GHR: variants seen among roughly 807,000 people sequenced by gnomAD.
GHR encodes growth hormone receptor.
A neutral mutation model predicts 67.1 loss-of-function variants in GHR; 35 were observed. That is an observed-to-expected ratio of 0.52 (90% CI 0.40 to 0.69). The LOEUF is 0.69. GHR is among the 30% of genes least tolerant of loss of function. The probability of loss-of-function intolerance (pLI) is 0.00; values close to 1 mark genes in which losing one functional copy is unlikely to be tolerated. For missense variants in GHR, 792 were observed against 764.6 expected (o/e 1.04, Z -0.42); for synonymous variants, 272 against 269.1 (o/e 1.01, Z -0.10).
At chr5:42,569,555 A>G (rs1485249818) in intron 2 of GHR, among the ~76,000 whole-genome samples, 1 of 152,178 alleles carries the variant, frequency 6.6e-6, no homozygotes, top group Non-Finnish European at 1.5e-5. Context: ...ATAGTCCTCA[A>G]TATTGGAGGC....
chr5:42,579,207 G>T (rs1205418314), intron 2 of GHR, among the ~76,000 whole-genome samples: 1 of 151,380 alleles, frequency 6.6e-6, no homozygotes, highest in Admixed American at 6.6e-5. Flanking sequence ...TAGACAGATA[G>T]ATAGATATAA....
intron 3 of GHR, among the ~76,000 whole-genome samples, chr5:42,673,176 A>T (rs1488170625): frequency 6.6e-6 from 1 of 152,228 alleles, no homozygotes; most frequent in Non-Finnish European, 1.5e-5. Context: ...ATCACTAATC[A>T]TCAGAGAAAT....
intron 2 of GHR, among the ~76,000 whole-genome samples, chr5:42,605,088 C>CT (rs1439364062): frequency 1.3e-4 from 17 of 135,808 alleles, no homozygotes; most frequent in African/African-American, 4.1e-4. Flanking sequence ...TTTGTGGTGC[C>CT]TCTTTTTTTT....
intron 1 of GHR, among the ~76,000 whole-genome samples, chr5:42,484,879 C>T (rs1219000750): frequency 6.6e-6 from 1 of 152,104 alleles, no homozygotes; most frequent in East Asian, 1.9e-4. Flanking sequence ...GTCCTTCTGC[C>T]AAGTGGCTCT....
intron 1 of GHR, chr5:42,549,616 G>A (rs1260038721): frequency 3.2e-6 from 3 of 946,428 alleles, no homozygotes; most frequent in East Asian, 1.2e-4. Context: ...AGGGCCAGAG[G>A]TGTGAATAGC....
chr5:42,427,846 T>C (rs1225998906), intron 1 of GHR, among the ~76,000 whole-genome samples: 1 of 152,150 alleles, frequency 6.6e-6, no homozygotes, highest in Non-Finnish European at 1.5e-5. Context: ...AAGTCCAAAG[T>C]CTAATAGGGC....
intron 1 of GHR, among the ~76,000 whole-genome samples, chr5:42,559,890 C>T (rs1412605764): frequency 2.0e-5 from 3 of 152,142 alleles, no homozygotes; most frequent in Non-Finnish European, 4.4e-5. Context: ...CTAATGAAAA[C>T]CAGCAGTTTT....
intron 1 of GHR, among the ~76,000 whole-genome samples, chr5:42,474,591 C>A (rs1371138940): frequency 1.3e-5 from 2 of 152,058 alleles, no homozygotes; most frequent in South Asian, 4.2e-4. Context: ...AGCCTGGGAA[C>A]CACGATGGAA....
At chr5:42,522,399 A>C (rs954712384) in intron 1 of GHR, among the ~76,000 whole-genome samples, 1 of 152,200 alleles carries the variant, frequency 6.6e-6, no homozygotes, top group Admixed American at 6.5e-5. Flanking sequence ...TTTGAAGGTT[A>C]AAATGACCAT....
chr5:42,663,243 A>T (rs1275144144), intron 3 of GHR, among the ~76,000 whole-genome samples: 1 of 152,264 alleles, frequency 6.6e-6, no homozygotes, highest in African/African-American at 2.4e-5. Context: ...AACTCATTTT[A>T]TGAGGCCAGC....
chr5:42,527,027 G>T (rs1239943027), intron 1 of GHR, among the ~76,000 whole-genome samples: 1 of 46,354 alleles, frequency 2.2e-5, no homozygotes, highest in Non-Finnish European at 5.1e-5. Context: ...AGAAGCAAAT[G>T]TTGTGGGAGT....
chr5:42,572,318 G>T (rs200585523), intron 2 of GHR, among the ~76,000 whole-genome samples: 1 of 152,060 alleles, frequency 6.6e-6, no homozygotes, highest in African/African-American at 2.4e-5. Context: ...ACAACAAAAG[G>T]GTGCACCTTC....
intron 2 of GHR, among the ~76,000 whole-genome samples, chr5:42,576,988 TA>T (rs1750781909): frequency 6.6e-6 from 1 of 152,244 alleles, no homozygotes; most frequent in South Asian, 2.1e-4. Flanking sequence ...CCTCTTTGTT[TA>T]CCTTCTCATC....
intron 1 of GHR, among the ~76,000 whole-genome samples, chr5:42,480,658 A>G (rs993394232): frequency 1.3e-5 from 2 of 151,938 alleles, no homozygotes; most frequent in Non-Finnish European, 2.9e-5. Flanking sequence ...TCTTTGTCTC[A>G]TTTGATCTTT....
At chr5:42,511,195 A>G (rs772878644) in intron 1 of GHR, among the ~76,000 whole-genome samples, 13 of 152,214 alleles carry the variant, frequency 8.5e-5, no homozygotes, top group Non-Finnish European at 1.6e-4. Context: ...CTTTCCCTCC[A>G]GAAGTCCTCA....
chr5:42,596,683 T>C (rs1261675707), intron 2 of GHR, among the ~76,000 whole-genome samples: 1 of 152,132 alleles, frequency 6.6e-6, no homozygotes, highest in Admixed American at 6.5e-5. Flanking sequence ...TAGTATCAGC[T>C]CCTCTCCTGA....
rs957106412 is a variant in GHR, at chr5:42,719,715, C to A, written c.*291C>A. The A allele has an allele frequency of 7.2e-5, 30 of 416,562 alleles. No homozygotes were observed. The highest frequency in any genetic ancestry group is 1.2e-4 in the Non-Finnish European group (26 of 221,900). 25.8% of individuals were successfully genotyped at this position (416,562 alleles called of 1,614,324 possible). ...GTGGGTGTTAATTTTTGATACTAAG[C>A]ATTGAATGGCTATGTTTTTAATGTA... On this transcript the variant is annotated 3_prime_UTR_variant, in exon 10 of 10. Transcript: ENST00000230882.
In GHR at chr5:42,497,807, G is replaced by A. The variant is rs574680647; in HGVS notation, c.-11-68057G>A. Among the ~76,000 whole-genome samples the A allele has an allele frequency of 2.6e-3, 389 of 152,256 alleles. 16 individuals are homozygous for A. In the South Asian group the frequency reaches 0.072, roughly 28 times the overall value. On this transcript the variant is annotated intron_variant, in intron 1 of 9. Coordinates refer to ENST00000230882, the MANE Select transcript of GHR (RefSeq NM_000163.5). The stretch of plus-strand genomic sequence containing the variant: ...GAATTCTGCAATTTTCTTAAAGAAT[G>A]GAAAACATTGGAAAAGAGTCACCTG...
At position 42,465,786 on chromosome 5, in the gene GHR, G is replaced by A. The variant is rs7730534; in HGVS notation, c.-12+41831G>A. On this transcript the variant is annotated intron_variant, in intron 1 of 9. Transcript: ENST00000230882. ...AATCCATCTCCTTGGCCCATTTCAC[G>A]TCCACTGCCCTCTCGACCTCTTCCA... 5,108 of 803,142 alleles carry A rather than the reference G, an allele frequency of 6.4e-3. 156 individuals are homozygous for A. The African/African-American group carries it at 0.07, about 11-fold the overall frequency. 49.8% of individuals were successfully genotyped at this position (803,142 alleles called of 1,614,324 possible).
Sources: allele counts gnomAD v4.1 joint callset (sites outside exome capture counted in the v4.1 genomes callset), GRCh38; gene constraint gnomAD v4.1.1; transcripts MANE v1.5; gene names NCBI Gene and HGNC (gene_info 2026-07-23, HGNC 2026-07-21).